ACER1: variants seen among roughly 807,000 people sequenced by gnomAD.
ACER1 encodes the protein alkaline ceramidase 1.
In ACER1, 28 loss-of-function variants were observed where a neutral mutation model predicts 24.9. The observed-to-expected ratio is 1.13, with a 90% CI of 0.83 to 1.54. The LOEUF (loss-of-function observed/expected upper bound fraction) is 1.54. Among genes scored for constraint, ACER1 ranks in the 40% most tolerant of loss-of-function variants. ACER1 has a pLI of 0.00. For synonymous variants in ACER1, 132 were observed against 131.4 expected (o/e 1.00, Z -0.03); for missense variants, 352 against 349.3 (o/e 1.01, Z -0.06).
At position 6,328,525 on chromosome 19, in the gene ACER1, A is replaced by C. The variant is rs191697588; in HGVS notation, c.93+4934T>G. Among the ~76,000 whole-genome samples the C allele has an allele frequency of 6.1e-3, 918 of 150,038 alleles. 6 individuals are homozygous for C. The highest frequency in any genetic ancestry group is 0.021 in the African/African-American group (858 of 40,738). On this transcript the variant is annotated intron_variant, in intron 1 of 5. Transcript: ENST00000301452. ...AAAAAAAAAAAAAAAAAAAAAAGTC[A>C]AAAATATTTACTAGCTAGCCCTGTA...
chr19:6,353,656 T>C, the ACER1 span, among the ~76,000 whole-genome samples: 1 of 150,994 alleles, frequency 6.6e-6, no homozygotes, highest in African/African-American at 2.4e-5. Context: ...TGAAACCCCA[T>C]CTCTACTAAA....
intron 5 of ACER1, 45 bp downstream of exon 5, chr19:6,307,108 A>G: frequency 6.2e-7 from 1 of 1,608,060 alleles, no homozygotes; most frequent in East Asian, 2.2e-5. Context: ...GGCATCTAAG[A>G]TTCTCTGACT....
At chr19:6,349,471 AGGAAGGAAGGAGGGAG>A in the ACER1 span, among the ~76,000 whole-genome samples, 2 of 127,876 alleles carry the variant, frequency 1.6e-5, no homozygotes, top group Non-Finnish European at 3.3e-5. Flanking sequence ...GAAGGAAAGA[AGGAAGGAAGGAGGGAG>A]GGAAGGAAGG....
At chr19:6,336,494 G>A (rs2091714606), upstream of ACER1, among the ~76,000 whole-genome samples, 2 of 152,148 alleles carry the variant, frequency 1.3e-5, no homozygotes, top group African/African-American at 4.8e-5. Flanking sequence ...CTGTTGTGAA[G>A]AGTTAGTGAG....
rs548297594 is a variant in ACER1 at position 6,311,646 on chromosome 19, AAGGAGAAGGAGG to A, written c.350+491_350+502del. Among the ~76,000 whole-genome samples the A allele has an allele frequency of 3.2e-3, 475 of 148,342 alleles. 1 individual carries two copies. Among genetic ancestry groups the A allele is most frequent in the African/African-American group, 8.2e-3 (325 of 39,844 alleles). ...GGAGGAGGAGGAGAAGAAGAAGAAG[AAGGAGAAGGAGG>A]AGGAGAAGGAGGAGGAGAAGGAGGA... is the stretch of plus-strand genomic sequence containing the variant. On this transcript the variant is annotated intron_variant, in intron 3 of 5. Coordinates refer to ENST00000301452, the MANE Select transcript of ACER1 (RefSeq NM_133492.3).
Position 6,312,448 on chromosome 19 carries a change from G to A in ACER1, c.145C>T (p.His49Tyr), listed in dbSNP as rs2091586828. The change falls in exon 2 of 6, where the codon CAC becomes TAC. Residue 49 changes from histidine to tyrosine, a missense_variant. Coordinates refer to ENST00000301452, the MANE Select transcript of ACER1 (RefSeq NM_133492.3). ...CGGGAGCGCTTCTGGGCATACGGGT[G>A]CATCAGGAGCATCATCAGTGGCCCG... ...IFGPLMMLLM[H>Y]PYAQKRSRYI... is the part of the protein sequence containing the mutation. The A allele has an allele frequency of 6.2e-7, 1 of 1,613,908 alleles. No individual in the cohort carries two copies.
the ACER1 span, among the ~76,000 whole-genome samples, chr19:6,356,920 A>G: frequency 1.3e-5 from 2 of 151,862 alleles, no homozygotes; most frequent in African/African-American, 4.9e-5. Context: ...AATTAATGCA[A>G]TTGTTTATGA....
At chr19:6,345,238 T>C in the ACER1 span, among the ~76,000 whole-genome samples, 8,594 of 152,100 alleles carry the variant, frequency 0.057, 401 homozygotes, top group African/African-American at 0.13. Flanking sequence ...TAAATTTTTA[T>C]TGGCACACGG....
chr19:6,334,405 C>A (rs1262966807), upstream of ACER1, among the ~76,000 whole-genome samples: 4 of 151,776 alleles, frequency 2.6e-5, no homozygotes, highest in African/African-American at 4.8e-5. Flanking sequence ...AGTGTAGTGG[C>A]GCAATGTCAG....
At chr19:6,357,021 G>C in the ACER1 span, among the ~76,000 whole-genome samples, 1 of 151,750 alleles carries the variant, frequency 6.6e-6, no homozygotes, top group South Asian at 2.1e-4. Context: ...GCTTCTCTCA[G>C]GGATGACATC....
At chr19:6,349,336 G>A in the ACER1 span, among the ~76,000 whole-genome samples, 1 of 146,120 alleles carries the variant, frequency 6.8e-6, no homozygotes, top group East Asian at 2.1e-4. Context: ...GAAAGAGAGA[G>A]AGAGAAAGAA....
intron 1 of ACER1, among the ~76,000 whole-genome samples, chr19:6,321,604 GTTTGT>G (rs560868121): frequency 2.2e-4 from 29 of 132,738 alleles, no homozygotes; most frequent in African/African-American, 6.6e-4. Context: ...TTTTTTCTTT[GTTTGT>G]TTTGTTTTGT....
At chr19:6,311,411 A>G (rs936581941) in intron 3 of ACER1, among the ~76,000 whole-genome samples, 2 of 151,984 alleles carry the variant, frequency 1.3e-5, no homozygotes, top group Admixed American at 6.6e-5. Flanking sequence ...GTGTGGTGGC[A>G]GGTGCCTGTA....
At chr19:6,339,323 T>C in the ACER1 span, among the ~76,000 whole-genome samples, 2 of 152,190 alleles carry the variant, frequency 1.3e-5, no homozygotes, top group African/African-American at 4.8e-5. Flanking sequence ...ACAACGTGGA[T>C]GGACTTTGAG....
At chr19:6,356,513 C>G in the ACER1 span, among the ~76,000 whole-genome samples, 5 of 151,954 alleles carry the variant, frequency 3.3e-5, no homozygotes, top group East Asian at 9.7e-4. Context: ...GACTGGACAC[C>G]CTACTACCCA....
chr19:6,307,066 AC>A, intron 5 of ACER1, 86 bp downstream of exon 5: 1 of 1,569,068 alleles, frequency 6.4e-7, no homozygotes, highest in Non-Finnish European at 8.6e-7. Flanking sequence ...TGCTTCTCCA[AC>A]CCCAGCCCCC....
chr19:6,343,019 C>T, the ACER1 span, among the ~76,000 whole-genome samples: 9 of 152,204 alleles, frequency 5.9e-5, no homozygotes, highest in African/African-American at 1.4e-4. Context: ...TCAGGTGATC[C>T]GCCCACCTTG....
chr19:6,354,182 A>AAAAAT, the ACER1 span, among the ~76,000 whole-genome samples: 27 of 151,976 alleles, frequency 1.8e-4, no homozygotes, highest in South Asian at 2.7e-3. Flanking sequence ...AGACCATCTC[A>AAAAAT]AAAATAAAAT....
the ACER1 span, among the ~76,000 whole-genome samples, chr19:6,341,528 A>AC: frequency 6.6e-6 from 1 of 151,096 alleles, no homozygotes; most frequent in Non-Finnish European, 1.5e-5. Context: ...TGTCTCAAAA[A>AC]AAAAAAAAAG....
Sources: allele counts gnomAD v4.1 joint callset (sites outside exome capture counted in the v4.1 genomes callset), GRCh38; gene constraint gnomAD v4.1.1; transcripts MANE v1.5; gene names NCBI Gene and HGNC (gene_info 2026-07-23, HGNC 2026-07-21).